Variants in WRN observed in about 807,000 individuals in gnomAD.
WRN encodes bifunctional 3'-5' exonuclease/ATP-dependent helicase WRN.
A neutral mutation model predicts 180.7 loss-of-function variants in WRN; 149 were observed. The observed-to-expected ratio is 0.82, with a 90% CI of 0.72 to 0.94. The LOEUF is 0.94. Among genes scored for constraint, WRN ranks in the 40% least tolerant of loss-of-function variants. WRN has a pLI of 0.00. For missense variants in WRN, 1,661 were observed against 1,700.1 expected (o/e 0.98, Z 0.40); for synonymous variants, 548 against 568.9 (o/e 0.96, Z 0.52).
chr8:31,097,234 T>A (rs1563348903), intron 17 of WRN, among the ~76,000 whole-genome samples: 1 of 152,196 alleles, frequency 6.6e-6, no homozygotes, highest in Non-Finnish European at 1.5e-5. Flanking sequence ...AATTTACTTG[T>A]TTTTCATGTT....
chr8:31,090,878 G>A lies in WRN; in HGVS notation c.1765G>A (p.Gly589Ser). The A allele has an allele frequency of 6.2e-7, 1 of 1,612,670 alleles. No homozygotes were observed. The highest frequency in any genetic ancestry group is 8.5e-7 in the Non-Finnish European group (1 of 1,179,216). ...CTTCCAGTATCCACCTGTTTATGTAGGCAAGATTGGCCTTGTTATCTCTCC... is the reference window on the plus strand; with the variant it reads ...CTTCCAGTATCCACCTGTTTATGTAAGCAAGATTGGCCTTGTTATCTCTCC... The part of the protein sequence containing the change: ...LCFQYPPVYV[G>S]KIGLVISPLI... Residue 589 changes from glycine (G) to serine (S), a missense_variant, in exon 15 of 35, where the codon GGC (glycine) becomes AGC (serine). Physicochemically the swap from Gly to Ser is moderately conservative, Grantham distance 56. Around this residue, in one of 3 missense-constraint regions of WRN, gnomAD observed 1,141 missense variants for 1,149.4 expected, o/e 0.99. Coordinates refer to ENST00000298139, the MANE Select transcript of WRN (RefSeq NM_000553.6).
In WRN at chr8:31,147,034, TTTC is replaced by T. The variant is rs771957553; in HGVS notation, c.3384-16_3384-14del. On this transcript the variant is annotated splice_polypyrimidine_tract_variant and intron_variant, in intron 28 of 34. Coordinates refer to ENST00000298139, the MANE Select transcript of WRN (RefSeq NM_000553.6). ...AGAAAGAAAAGCTTTTATTATTTATTTTCTTTTAAATATTTTAGTATCATGGTA... is the reference window on the plus strand; with the variant it reads ...AGAAAGAAAAGCTTTTATTATTTATTTTTTAAATATTTTAGTATCATGGTA... The T allele has an allele frequency of 5.7e-6, 9 of 1,585,046 alleles. No homozygotes were observed. In the South Asian group the frequency reaches 1.0e-4, roughly 18 times the overall value.
At chr8:31,137,885 C>A (rs987703882) in intron 24 of WRN, among the ~76,000 whole-genome samples, 8 of 152,020 alleles carry the variant, frequency 5.3e-5, no homozygotes, top group Admixed American at 5.2e-4. Context: ...GATCTCTCAA[C>A]CCCAGGAGTT....
At chr8:31,172,598 A>G (rs1018598339) in intron 34 of WRN, among the ~76,000 whole-genome samples, 1 of 152,206 alleles carries the variant, frequency 6.6e-6, no homozygotes, top group African/African-American at 2.4e-5. Flanking sequence ...TTCTTTTCAC[A>G]TGCCTAATAT....
At chr8:31,125,051 C>T (rs1801866315) in intron 23 of WRN, 51 bp downstream of exon 23, 1 of 1,532,942 alleles carries the variant, frequency 6.5e-7, no homozygotes, top group Non-Finnish European at 9.0e-7. Context: ...TCTTTCTCTT[C>T]CTTTTCATGT....
Position 31,132,426 on chromosome 8 carries a change from G to T in WRN, c.2887G>T (p.Ala963Ser), listed in dbSNP as rs1228313718. ...TACATCCTGGGACTTTGGTCCACAA[G>T]CATTTAAGCTTTTGTCTGCTGTGGA... ...EDTSWDFGPQ[A>S]FKLLSAVDIL... Residue 963 changes from alanine (A) to serine (S), a missense_variant, in exon 24 of 35, where the codon GCA becomes TCA. Around this residue, in one of 3 missense-constraint regions of WRN, gnomAD observed 1,141 missense variants for 1,149.4 expected, o/e 0.99. Transcript: ENST00000298139. 6.2e-7 allele frequency: 1 copy of T among 1,614,006 alleles called. No homozygotes were observed. Among genetic ancestry groups the T allele is most frequent in the Non-Finnish European group, 8.5e-7 (1 of 1,180,016 alleles).
At chr8:31,035,167 C>T (rs1362969682) in intron 1 of WRN, among the ~76,000 whole-genome samples, 1 of 152,166 alleles carries the variant, frequency 6.6e-6, no homozygotes. Context: ...ACAAACATCT[C>T]TCTCCTTTTG....
At chr8:31,127,644 G>A (rs55680344) in intron 23 of WRN, among the ~76,000 whole-genome samples, 8,030 of 152,166 alleles carry the variant, frequency 0.053, 241 homozygotes, top group South Asian at 0.086. Flanking sequence ...TGGTGCGGTG[G>A]CTCACACTTG....
intron 16 of WRN, 24 bp from the exon 17 acceptor site, chr8:31,096,744 T>TTTTTTTTTTTTTTG: frequency 6.3e-7 from 1 of 1,575,680 alleles, no homozygotes; most frequent in Non-Finnish European, 8.6e-7. Context: ...TTTTTTTTCT[T>TTTTTTTTTTTTTTG]TTTTCTTTTG....
At chr8:31,132,260 C>T (rs777668125) in intron 23 of WRN, 105 bp from the exon 24 acceptor site, 12 of 1,382,812 alleles carry the variant, frequency 8.7e-6, no homozygotes, top group Non-Finnish European at 1.2e-5. Flanking sequence ...GCAGTTGGCA[C>T]ATTTGAGATA....
chr8:31,152,159 T>C (rs1803159266), intron 31 of WRN, among the ~76,000 whole-genome samples: 1 of 152,070 alleles, frequency 6.6e-6, no homozygotes, highest in Non-Finnish European at 1.5e-5. Flanking sequence ...CTTAGGAAGG[T>C]AGGGCAAGAA....
At chr8:31,091,039 A>T (rs1813731089) in intron 15 of WRN, 97 bp downstream of exon 15, 1 of 933,752 alleles carries the variant, frequency 1.1e-6, no homozygotes, top group African/African-American at 1.6e-5. Context: ...AGTTCACAAT[A>T]ACACATTTCT....
At chr8:31,141,867 TA>T in intron 26 of WRN, 92 bp downstream of exon 26, 1 of 1,213,024 alleles carries the variant, frequency 8.2e-7, no homozygotes. Flanking sequence ...CTCTCACAAG[TA>T]AAATGAATTA....
intron 23 of WRN, among the ~76,000 whole-genome samples, chr8:31,130,026 A>AAAAAAAAAAAAAAC (rs1563369285): frequency 7.4e-6 from 1 of 135,216 alleles, no homozygotes. Flanking sequence ...AAAACAAAAC[A>AAAAAAAAAAAAAAC]AAAAAAAAAA....
intron 24 of WRN, among the ~76,000 whole-genome samples, chr8:31,138,970 G>C (rs1442294905): frequency 6.6e-6 from 1 of 152,076 alleles, no homozygotes; most frequent in Non-Finnish European, 1.5e-5. Flanking sequence ...GGAAATAGTA[G>C]TAAATGACAT....
At chr8:31,065,286 A>G (rs1812652873) in intron 5 of WRN, among the ~76,000 whole-genome samples, 1 of 152,108 alleles carries the variant, frequency 6.6e-6, no homozygotes, top group Non-Finnish European at 1.5e-5. Flanking sequence ...TGTTTGTTAC[A>G]CAGGTAAACT....
chr8:31,082,912 C>T (rs2113949), intron 9 of WRN, among the ~76,000 whole-genome samples: 79,878 of 151,952 alleles, frequency 0.53, 22,722 homozygotes, highest in Middle Eastern at 0.63. Flanking sequence ...TTTCTTTATT[C>T]GTTAAATAAG....
At position 31,132,461 on chromosome 8, in the gene WRN, C is replaced by G. The variant is rs773614544; in HGVS notation, c.2922C>G (p.Gly974=). 1 of 1,613,934 alleles carries G rather than the reference C, an allele frequency of 6.2e-7. No individual in the cohort carries two copies. The highest frequency in any genetic ancestry group is 8.5e-7 in the Non-Finnish European group (1 of 1,180,012). The change falls in exon 24 of 35, where the codon GGC becomes GGG. Residue 974 remains glycine, a synonymous_variant. Coordinates refer to ENST00000298139, the MANE Select transcript of WRN (RefSeq NM_000553.6). ...TTTTGTCTGCTGTGGACATCTTAGG[C>G]GAAAAATTTGGAATTGGGCTTCCAA... ...FKLLSAVDIL[G]EKFGIGLPIL...
chr8:31,130,459 C>T (rs921416408), intron 23 of WRN, among the ~76,000 whole-genome samples: 6 of 152,120 alleles, frequency 3.9e-5, no homozygotes, highest in Non-Finnish European at 8.8e-5. Context: ...TGTTCTCAAC[C>T]TACTTAAATA....
Sources: gnomAD v4.1 joint callset for allele counts (sites outside exome capture counted in the v4.1 genomes callset) on GRCh38, gnomAD v4.1.1 for gene constraint, gnomAD v4.1.1 regional missense constraint, MANE v1.5 for transcripts, NCBI Gene and HGNC (gene_info 2026-07-23, HGNC 2026-07-21) for gene names.